The following DGKH variants were observed in gnomAD, a reference collection of about 807,000 sequenced individuals.
DGKH encodes DAG kinase eta.
A neutral mutation model predicts 159.3 loss-of-function variants in DGKH; 90 were observed. The ratio of observed to expected loss-of-function variants is 0.57; its 90% CI spans 0.48 to 0.67. DGKH has a LOEUF of 0.67. DGKH is among the 30% of genes least tolerant of loss of function. The probability of loss-of-function intolerance (pLI) is 0.00; values close to 1 mark genes in which losing one functional copy is unlikely to be tolerated. For missense variants in DGKH, 1,181 were observed against 1,506.1 expected (o/e 0.78, Z 3.57); for synonymous variants, 536 against 553.8 (o/e 0.97, Z 0.45).
rs1225687186 is a variant in DGKH at position 42,238,922 on chromosome 13, G to A, written c.*9734G>A. 1 of 152,044 alleles carries A rather than the reference G, an allele frequency of 6.6e-6. No homozygotes were observed. The highest frequency in any genetic ancestry group is 1.5e-5 in the Non-Finnish European group (1 of 67,958). The allele number at this position is 152,044 out of a possible 1,614,324, so 9.4% of individuals were successfully genotyped here. ...TCTGATATTTATTATAGTATAATATGATAATTTGGAGCTCCTGTTGCATCT... is the reference window on the plus strand; with the variant it reads ...TCTGATATTTATTATAGTATAATATAATAATTTGGAGCTCCTGTTGCATCT... On this transcript the variant is annotated 3_prime_UTR_variant, in exon 30 of 30. Transcript: ENST00000337343.
At chr13:42,094,955 A>C (rs887950603) in intron 1 of DGKH, among the ~76,000 whole-genome samples, 4 of 152,156 alleles carry the variant, frequency 2.6e-5, no homozygotes, top group South Asian at 2.1e-4. Context: ...TAACTATAGA[A>C]ACCCTTGAAA....
chr13:42,180,327 AAACAAAGAG>A (rs1398961257), intron 13 of DGKH, among the ~76,000 whole-genome samples: 1 of 151,996 alleles, frequency 6.6e-6, no homozygotes, highest in Non-Finnish European at 1.5e-5. Flanking sequence ...ACTGCCCACC[AAACAAAGAG>A]AGTGTGTAGC....
intron 3 of DGKH, among the ~76,000 whole-genome samples, chr13:42,135,531 A>G (rs1229133913): frequency 6.6e-6 from 1 of 150,622 alleles, no homozygotes; most frequent in African/African-American, 2.4e-5. Context: ...AAAAGAAAAA[A>G]AATAATAATT....
intron 1 of DGKH, among the ~76,000 whole-genome samples, chr13:42,112,284 C>CAT (rs374132029): frequency 8.1e-6 from 1 of 122,828 alleles, no homozygotes. Context: ...AGCCTTGTGG[C>CAT]TTTTTTTTTT....
chr13:42,229,302 A>G lies in DGKH; in HGVS notation c.*114A>G, dbSNP rs1958230221. On this transcript the variant is annotated 3_prime_UTR_variant, in exon 30 of 30. Coordinates refer to ENST00000337343, the MANE Select transcript of DGKH (RefSeq NM_178009.5). ...ATAGATAAGTAAGCACCACTGAAGC[A>G]CCTCTGTGGCTTGATATTTTGCTGT... 8 of 855,692 alleles carry G rather than the reference A, an allele frequency of 9.3e-6. No homozygotes were observed. Among genetic ancestry groups the G allele is most frequent in the Non-Finnish European group, 1.3e-5 (7 of 558,684 alleles). 53.0% of individuals were successfully genotyped at this position (855,692 alleles called of 1,614,324 possible).
chr13:42,050,860 C>T lies in DGKH; in HGVS notation c.192+1895C>T, dbSNP rs895010153. On this transcript the variant is annotated intron_variant, in intron 1 of 29. Transcript: ENST00000337343. ...CAATGAAGCGAGACTGTCTCTTAAACAAACAAGCAAACAAACAAACAAACG... is the reference window on the plus strand; with the variant it reads ...CAATGAAGCGAGACTGTCTCTTAAATAAACAAGCAAACAAACAAACAAACG... Among the ~76,000 whole-genome samples the T allele has an allele frequency of 3.3e-5, 5 of 151,976 alleles. No individual in the cohort carries two copies. The South Asian group carries it at 8.3e-4, about 25-fold the overall frequency.
intron 30 of DGKH, among the ~76,000 whole-genome samples, chr13:42,254,280 A>G (rs1295812304): frequency 6.6e-6 from 1 of 152,252 alleles, no homozygotes; most frequent in African/African-American, 2.4e-5. Flanking sequence ...TGATAGGGAC[A>G]TGTTCATACA....
At chr13:42,050,255 C>G (rs537804315) in intron 1 of DGKH, among the ~76,000 whole-genome samples, 3 of 152,248 alleles carry the variant, frequency 2.0e-5, no homozygotes, top group African/African-American at 7.2e-5. Context: ...CCTGAGATCC[C>G]AGCTCCTCGG....
At chr13:42,107,303 T>G (rs188072829) in intron 1 of DGKH, among the ~76,000 whole-genome samples, 1 of 151,910 alleles carries the variant, frequency 6.6e-6, no homozygotes, top group Non-Finnish European at 1.5e-5. Context: ...GGAAGATGAG[T>G]GTTTTGTTTG....
chr13:42,088,375 A>G (rs1313115652), intron 1 of DGKH, among the ~76,000 whole-genome samples: 1 of 152,128 alleles, frequency 6.6e-6, no homozygotes, highest in East Asian at 1.9e-4. Flanking sequence ...TACAAAAGAC[A>G]TTTTCTGATT....
rs377661440 is a variant in DGKH, at chr13:42,190,272, T to A, written c.1913-131T>A. The A allele has an allele frequency of 3.6e-6, 4 of 1,101,676 alleles. No individual in the cohort carries two copies. In the African/African-American group the frequency reaches 4.9e-5, roughly 14 times the overall value. The allele number at this position is 1,101,676 out of a possible 1,614,324, so 68.2% of individuals were successfully genotyped here. A position where few individuals can be genotyped will look rare whatever the true frequency, so the allele number is the denominator to read the frequency against. On this transcript the variant is annotated intron_variant, in intron 15 of 29. Transcript: ENST00000337343. ...CGGACATCAACCCCAAGTTCATTGC[T>A]AAATAGTGTTTATTTGTGAATCTGG...
chr13:42,185,387 C>T (rs1292600179), intron 13 of DGKH, among the ~76,000 whole-genome samples: 2 of 152,170 alleles, frequency 1.3e-5, no homozygotes, highest in Non-Finnish European at 2.9e-5. Context: ...CATAGTGTCT[C>T]TGTCAGCCTC....
intron 17 of DGKH, 25 bp downstream of exon 17, chr13:42,195,041 G>T: frequency 6.2e-7 from 1 of 1,602,098 alleles, no homozygotes; most frequent in East Asian, 2.2e-5. Flanking sequence ...GAAACATCGT[G>T]TATTTTTCAG....
At chr13:42,209,192 C>A in intron 22 of DGKH, 120 bp downstream of exon 22, 1 of 1,358,970 alleles carries the variant, frequency 7.4e-7, no homozygotes, top group Non-Finnish European at 1.0e-6. Flanking sequence ...GTTGTCATAT[C>A]AGTTTTTACC....
At chr13:42,092,801 A>G (rs620969) in intron 1 of DGKH, among the ~76,000 whole-genome samples, 36,209 of 152,160 alleles carry the variant, frequency 0.24, 4,927 homozygotes, top group African/African-American at 0.36. Flanking sequence ...GGATGTCCCA[A>G]TTAACCTGAT....
Position 42,229,235 on chromosome 13 carries a change from C to A in DGKH, c.*47C>A. 1.3e-6 allele frequency: 2 copies of A among 1,551,038 alleles called. No homozygotes were observed. Among genetic ancestry groups the A allele is most frequent in the Non-Finnish European group, 1.8e-6 (2 of 1,136,882 alleles). The stretch of plus-strand genomic sequence containing the variant: ...GAAGAGAAGTTATTGCCACTTAATA[C>A]AAAGTCCTTGGAAGCAAGTGGCTGT... On this transcript the variant is annotated 3_prime_UTR_variant, in exon 30 of 30. Transcript: ENST00000337343.
chr13:42,248,069 A>T (rs550327729), intron 29 of DGKH, among the ~76,000 whole-genome samples: 1 of 152,236 alleles, frequency 6.6e-6, no homozygotes, highest in African/African-American at 2.4e-5. Flanking sequence ...CTTCACATTC[A>T]CTCGCCATTC....
intron 30 of DGKH, chr13:42,256,119 A>G: frequency 8.4e-7 from 1 of 1,186,372 alleles, no homozygotes; most frequent in East Asian, 2.3e-5. Context: ...GGCAAGGTGA[A>G]CCCTACTCAG....
intron 1 of DGKH, among the ~76,000 whole-genome samples, chr13:42,124,136 A>T (rs1955126477): frequency 1.3e-5 from 2 of 152,140 alleles, no homozygotes; most frequent in South Asian, 4.1e-4. Context: ...TTTCAGGGGT[A>T]AATTCTCAAG....
Sources: gnomAD v4.1 joint callset for allele counts (sites outside exome capture counted in the v4.1 genomes callset) on GRCh38, gnomAD v4.1.1 for gene constraint, MANE v1.5 for transcripts, NCBI Gene and HGNC (gene_info 2026-07-23, HGNC 2026-07-21) for gene names.